The following SEMA3A variants were observed in gnomAD, a reference collection of about 807,000 sequenced individuals.
The protein encoded by SEMA3A is semaphorin-3A.
A neutral mutation model predicts 97.9 loss-of-function variants in SEMA3A; 29 were observed. The observed-to-expected ratio is 0.30, with a 90% CI of 0.22 to 0.40. SEMA3A has a LOEUF of 0.40. SEMA3A is among the 10% of genes least tolerant of loss of function. SEMA3A has a pLI of 1.00. For synonymous variants in SEMA3A, 321 were observed against 323.7 expected, an observed-to-expected ratio of 0.99 and a Z score of 0.09; for missense variants, 763 against 951.3, an observed-to-expected ratio of 0.80 and a Z score of 2.60.
intron 1 of SEMA3A, among the ~76,000 whole-genome samples, chr7:84,392,619 C>A (rs1005659695): frequency 6.6e-6 from 1 of 152,062 alleles, no homozygotes; most frequent in Non-Finnish European, 1.5e-5. Flanking sequence ...ATTTTTAGTG[C>A]TTTTTGGCAA....
chr7:83,986,086 T>C (rs1269882042), intron 12 of SEMA3A, among the ~76,000 whole-genome samples: 1 of 152,176 alleles, frequency 6.6e-6, no homozygotes, highest in East Asian at 1.9e-4. Context: ...TTCAGCATGG[T>C]CTCAGAGTGG....
intron 1 of SEMA3A, among the ~76,000 whole-genome samples, chr7:84,173,569 A>C (rs1400483735): frequency 7.4e-6 from 1 of 134,906 alleles, no homozygotes; most frequent in Non-Finnish European, 1.7e-5. Context: ...CAAAAAAAAA[A>C]AAAAAAAAAA....
rs748508588 is a variant in SEMA3A at position 83,981,388 on chromosome 7, G to A, written c.1585C>T (p.Leu529Phe). 6.2e-7 allele frequency: 1 copy of A among 1,613,866 alleles called. No individual in the cohort carries two copies. Among genetic ancestry groups the A allele is most frequent in the Non-Finnish European group, 8.5e-7 (1 of 1,179,954 alleles). The change falls in exon 14 of 17, where the codon CTC (leucine) becomes TTC (phenylalanine). Residue 529 changes from leucine to phenylalanine, a missense_variant. Coordinates refer to ENST00000265362, the MANE Select transcript of SEMA3A (RefSeq NM_006080.3). ...CAAGCACAGTAAGGGTCTCGGGCGA[G>A]GCAACACTCAGCACACGCTTTCCCG... ...IYGKACAECC[L>F]ARDPYCAWDG...
intron 2 of SEMA3A, among the ~76,000 whole-genome samples, chr7:84,318,561 A>T (rs1212168610): frequency 1.3e-5 from 2 of 151,970 alleles, no homozygotes; most frequent in Non-Finnish European, 2.9e-5. Flanking sequence ...TGACCTCGTG[A>T]TCTGCCCGCC....
At chr7:84,342,689 G>A (rs532897186) in intron 2 of SEMA3A, among the ~76,000 whole-genome samples, 10 of 152,270 alleles carry the variant, frequency 6.6e-5, no homozygotes, top group South Asian at 2.1e-4. Context: ...TGGCAATTAC[G>A]TGTATAAACG....
At chr7:84,491,875 TTTTG>T (rs1215552549) in intron 1 of SEMA3A, among the ~76,000 whole-genome samples, 4 of 152,164 alleles carry the variant, frequency 2.6e-5, no homozygotes, top group Admixed American at 1.3e-4. Context: ...TTTTGTTTTG[TTTTG>T]TTTGTTTTAA....
intron 1 of SEMA3A, among the ~76,000 whole-genome samples, chr7:84,148,435 T>C (rs6959163): frequency 0.22 from 34,017 of 151,968 alleles, 3,927 homozygotes; most frequent in South Asian, 0.27. Flanking sequence ...ATTCAAAGAA[T>C]TTCTAATGAA....
At chr7:84,081,678 CTAA>C (rs1293730792) in intron 4 of SEMA3A, among the ~76,000 whole-genome samples, 1 of 150,788 alleles carries the variant, frequency 6.6e-6, no homozygotes, top group African/African-American at 2.4e-5. Flanking sequence ...TAGTCAGTCT[CTAA>C]AAACTATGCA....
intron 1 of SEMA3A, among the ~76,000 whole-genome samples, chr7:84,414,143 T>G (rs1438023375): frequency 6.6e-6 from 1 of 152,130 alleles, no homozygotes; most frequent in African/African-American, 2.4e-5. Context: ...AATTATATAT[T>G]TGTTTTCTTG....
At chr7:84,445,937 C>T (rs1805403272) in intron 1 of SEMA3A, among the ~76,000 whole-genome samples, 1 of 151,462 alleles carries the variant, frequency 6.6e-6, no homozygotes, top group Admixed American at 6.6e-5. Context: ...AAAATATCAA[C>T]AAAATGGACA....
intron 2 of SEMA3A, among the ~76,000 whole-genome samples, chr7:84,313,405 T>A (rs75070174): frequency 0.14 from 14,868 of 106,636 alleles, 1,496 homozygotes; most frequent in African/African-American, 0.2. Context: ...TATATATATA[T>A]AAACTATACG....
chr7:84,002,174 T>C, intron 11 of SEMA3A, 128 bp from the exon 12 acceptor site: 1 of 577,954 alleles, frequency 1.7e-6, no homozygotes, highest in Non-Finnish European at 3.0e-6. Flanking sequence ...ATTCATTTTT[T>C]GGTCAAAACA....
intron 6 of SEMA3A, among the ~76,000 whole-genome samples, chr7:84,042,421 T>C (rs960492440): frequency 6.6e-6 from 1 of 152,030 alleles, no homozygotes; most frequent in East Asian, 1.9e-4. Context: ...GGCCTTGGGA[T>C]CCATGTGGTT....
chr7:84,297,376 A>G (rs1800899232), intron 3 of SEMA3A, among the ~76,000 whole-genome samples: 1 of 152,134 alleles, frequency 6.6e-6, no homozygotes, highest in African/African-American at 2.4e-5. Context: ...ATAATTCCAT[A>G]ATTTGATCTT....
intron 3 of SEMA3A, among the ~76,000 whole-genome samples, chr7:84,224,505 A>T (rs544556297): frequency 2.0e-4 from 31 of 151,898 alleles, no homozygotes; most frequent in East Asian, 9.7e-4. Context: ...TTTATGTTTT[A>T]AAAAAAACAG....
intron 3 of SEMA3A, among the ~76,000 whole-genome samples, chr7:84,279,314 C>T (rs1800381224): frequency 2.0e-5 from 3 of 152,064 alleles, no homozygotes; most frequent in African/African-American, 7.2e-5. Flanking sequence ...TATATACTAA[C>T]TAATAGGATG....
chr7:84,419,664 T>C (rs867831032), intron 1 of SEMA3A, among the ~76,000 whole-genome samples: 17 of 152,226 alleles, frequency 1.1e-4, no homozygotes, highest in African/African-American at 4.1e-4. Flanking sequence ...GAAAGCCACA[T>C]ACAGGTTCAG....
chr7:84,261,425 T>A (rs1799853323), intron 3 of SEMA3A, among the ~76,000 whole-genome samples: 1 of 152,186 alleles, frequency 6.6e-6, no homozygotes, highest in Non-Finnish European at 1.5e-5. Flanking sequence ...AAAAAAGCTG[T>A]GGCCCTTTAA....
intron 3 of SEMA3A, among the ~76,000 whole-genome samples, chr7:84,203,553 T>G (rs1199263777): frequency 8.2e-6 from 1 of 122,368 alleles, no homozygotes; most frequent in African/African-American, 3.2e-5. Context: ...TTTTCTGAGA[T>G]AGAGTTTCAC....
Sources: allele counts gnomAD v4.1 joint callset (sites outside exome capture counted in the v4.1 genomes callset), GRCh38; gene constraint gnomAD v4.1.1; transcripts MANE v1.5; gene names NCBI Gene and HGNC (gene_info 2026-07-23, HGNC 2026-07-21).